RIOK3: variants seen among roughly 807,000 people sequenced by gnomAD.
The protein encoded by RIOK3 is RIO kinase 3.
RIOK3 carries 40 observed loss-of-function variants against 63.5 expected under a neutral mutation model. The observed-to-expected ratio is 0.63, with a 90% CI of 0.49 to 0.82. The LOEUF (loss-of-function observed/expected upper bound fraction) is 0.82. Among genes scored for constraint, RIOK3 ranks in the 40% least tolerant of loss-of-function variants. RIOK3 has a pLI of 0.00. For synonymous variants in RIOK3, 193 were observed against 205.0 expected (o/e 0.94, Z 0.50); for missense variants, 557 against 637.0 (o/e 0.87, Z 1.35).
intron 7 of RIOK3, among the ~76,000 whole-genome samples, chr18:23,471,673 G>A (rs1462224468): frequency 6.6e-6 from 1 of 152,144 alleles, no homozygotes; most frequent in Non-Finnish European, 1.5e-5. Flanking sequence ...GTAGGAGAGC[G>A]TTGGTGTGTG....
chr18:23,459,199 G>A (rs2057359026), intron 1 of RIOK3, among the ~76,000 whole-genome samples: 1 of 152,150 alleles, frequency 6.6e-6, no homozygotes, highest in Non-Finnish European at 1.5e-5. Flanking sequence ...TAATACCTTA[G>A]CAGAATTAAT....
At position 23,453,304 on chromosome 18, in the gene RIOK3, C is replaced by CCGCCGT; in HGVS notation, c.-130_-125dup. Reference sequence around the variant, plus strand: ...AGAGATCCAGTTCCGGACGCGGCCGCCGCCGTCGCCGCCATCTGTCACCTC... The same window carrying CCGCCGT: ...AGAGATCCAGTTCCGGACGCGGCCGCCGCCGTCGCCGTCGCCGCCATCTGTCACCTC... On this transcript the variant is annotated 5_prime_UTR_variant, in exon 1 of 13. Transcript: ENST00000339486. 1 of 734,932 alleles carries CCGCCGT rather than the reference C, an allele frequency of 1.4e-6. No homozygotes were observed. The highest frequency in any genetic ancestry group is 2.0e-5 in the Admixed American group (1 of 49,640). 45.5% of individuals were successfully genotyped at this position (734,932 alleles called of 1,614,324 possible).
intron 1 of RIOK3, among the ~76,000 whole-genome samples, chr18:23,455,106 C>T (rs1034411033): frequency 7.3e-5 from 11 of 149,864 alleles, no homozygotes; most frequent in Non-Finnish European, 1.6e-4. Context: ...GAGTCTCGCC[C>T]TATCGCCCAG....
In RIOK3 at chr18:23,467,314, C is replaced by T. The variant is rs974402975; in HGVS notation, c.688-85C>T. 78 of 1,083,376 alleles carry T rather than the reference C, an allele frequency of 7.2e-5. 1 individual carries two copies. The highest frequency in any genetic ancestry group is 5.3e-4 in the Admixed American group (22 of 41,378). 67.1% of individuals were successfully genotyped at this position (1,083,376 alleles called of 1,614,324 possible). On this transcript the variant is annotated intron_variant, in intron 6 of 12. Coordinates refer to ENST00000339486, the MANE Select transcript of RIOK3 (RefSeq NM_003831.5). ...GGGTGACAAGAGCAAGACTCCGTCT[C>T]AAAAAAAAAAAGTTATTAGAAGTGG... is the stretch of plus-strand genomic sequence containing the variant.
At chr18:23,465,555 A>G (rs376685253) in intron 5 of RIOK3, among the ~76,000 whole-genome samples, 2 of 152,236 alleles carry the variant, frequency 1.3e-5, no homozygotes, top group South Asian at 4.1e-4. Flanking sequence ...TTTCTGTGGT[A>G]ATGGAAATGT....
Position 23,453,330 on chromosome 18 carries a change from C to A in RIOK3, c.-110C>A. ...CGCCGTCGCCGCCATCTGTCACCTC[C>A]ACTCCGGCATCAGCAGCCAGTCGCC... is the stretch of plus-strand genomic sequence containing the variant. On this transcript the variant is annotated 5_prime_UTR_variant, in exon 1 of 13. Coordinates refer to ENST00000339486, the MANE Select transcript of RIOK3 (RefSeq NM_003831.5). The A allele has an allele frequency of 1.1e-6, 1 of 891,018 alleles. No homozygotes were observed. Among genetic ancestry groups the A allele is most frequent in the Non-Finnish European group, 1.9e-6 (1 of 537,302 alleles). 55.2% of individuals were successfully genotyped at this position (891,018 alleles called of 1,614,324 possible).
chr18:23,468,108 C>A (rs2057422579), intron 7 of RIOK3, among the ~76,000 whole-genome samples: 1 of 151,798 alleles, frequency 6.6e-6, no homozygotes. Flanking sequence ...TTAGTATTAT[C>A]AAATCTAATG....
In RIOK3 at chr18:23,462,208, C is replaced by T. The variant is rs190636046; in HGVS notation, c.64-756C>T. Among the ~76,000 whole-genome samples, 1,295 of 138,520 alleles carry T rather than the reference C, an allele frequency of 9.3e-3. 27 individuals carry two copies. The highest frequency in any genetic ancestry group is 0.034 in the African/African-American group (1,241 of 36,852). The allele number at this position is 138,520 out of a possible 152,430, so 90.9% of individuals were successfully genotyped here. On this transcript the variant is annotated intron_variant, in intron 1 of 12. Coordinates refer to ENST00000339486, the MANE Select transcript of RIOK3 (RefSeq NM_003831.5). ...AGGCTGGAGTGCAGTGGCGCGATCT[C>T]GACTCACTGCAACCCTAACCTCCCA...
chr18:23,458,248 A>G (rs1198584157), intron 1 of RIOK3, among the ~76,000 whole-genome samples: 2 of 151,942 alleles, frequency 1.3e-5, no homozygotes, highest in Non-Finnish European at 2.9e-5. Context: ...AATTGTCTGC[A>G]GGAAACCTTT....
Position 23,467,533 on chromosome 18 carries a change from G to T in RIOK3, c.815+7G>T. 1 of 1,611,122 alleles carries T rather than the reference G, an allele frequency of 6.2e-7. No individual in the cohort carries two copies. ...TTCATGCATATGGAGGGAGGTAAAT[G>T]AGCAAAATATGATACCATGATATGA... On this transcript the variant is annotated splice_region_variant and intron_variant, in intron 7 of 12. Coordinates refer to ENST00000339486, the MANE Select transcript of RIOK3 (RefSeq NM_003831.5).
Position 23,481,480 on chromosome 18 carries a change from C to T in RIOK3, c.*201C>T. The T allele has an allele frequency of 4.2e-6, 2 of 472,662 alleles. No individual in the cohort carries two copies. The highest frequency in any genetic ancestry group is 7.4e-6 in the Non-Finnish European group (2 of 269,560). 29.3% of individuals were successfully genotyped at this position (472,662 alleles called of 1,614,324 possible). A position where few individuals can be genotyped will look rare whatever the true frequency, so the allele number is the denominator to read the frequency against. On this transcript the variant is annotated 3_prime_UTR_variant, in exon 13 of 13. Transcript: ENST00000339486. ...AGAATAAAATGTCACTACCTCTCAT[C>T]TTATGAACAGGATAATATAATTCTT...
intron 7 of RIOK3, among the ~76,000 whole-genome samples, chr18:23,470,146 C>T (rs370976854): frequency 7.2e-5 from 11 of 152,118 alleles, no homozygotes; most frequent in South Asian, 4.1e-4. Context: ...GGGCGGATCA[C>T]GAGGTCAGGA....
rs936387929 is a variant in RIOK3 at position 23,482,397 on chromosome 18, C to T, written c.*1118C>T. On this transcript the variant is annotated 3_prime_UTR_variant, in exon 13 of 13. Transcript: ENST00000339486. ...TGGTGGCACTTCTCTGTAATCTCAG[C>T]TTCTCAGGAGGCTGAGACAGGAGAA... 6.6e-6 allele frequency: 1 copy of T among 152,186 alleles called. No homozygotes were observed. Among genetic ancestry groups the T allele is most frequent in the Admixed American group, 6.6e-5 (1 of 15,260 alleles). The allele number at this position is 152,186 out of a possible 1,614,324, so 9.4% of individuals were successfully genotyped here.
intron 1 of RIOK3, among the ~76,000 whole-genome samples, chr18:23,454,415 T>A (rs1030377133): frequency 6.6e-6 from 1 of 152,236 alleles, no homozygotes; most frequent in Non-Finnish European, 1.5e-5. Context: ...TTTGTAAAAG[T>A]TCTCGTACAG....
chr18:23,468,293 C>CTTTTTTTTTTTTTTTTTTTT (rs1245472469), intron 7 of RIOK3, among the ~76,000 whole-genome samples: 1 of 46,448 alleles, frequency 2.2e-5, no homozygotes, highest in African/African-American at 1.0e-4. Flanking sequence ...CAATATACTC[C>CTTTTTTTTTTTTTTTTTTTT]TTTTTTTTTT....
chr18:23,462,088 C>CA (rs757822182), intron 1 of RIOK3, among the ~76,000 whole-genome samples: 1,142 of 87,296 alleles, frequency 0.013, 11 homozygotes, highest in African/African-American at 0.024. Flanking sequence ...AAACTGTCTC[C>CA]AAAAAAAAAA....
At chr18:23,479,575 CT>C (rs1567901455) in intron 12 of RIOK3, 151 bp downstream of exon 12, 6 of 526,270 alleles carry the variant, frequency 1.1e-5, no homozygotes, top group South Asian at 4.9e-5. Context: ...TTGGTTTTTT[CT>C]TTTTTTCTTT....
At chr18:23,476,047 A>T (rs1225701527) in intron 9 of RIOK3, among the ~76,000 whole-genome samples, 1 of 149,294 alleles carries the variant, frequency 6.7e-6, no homozygotes. Flanking sequence ...TCAGCATCCC[A>T]AAGTGCTGGG....
At chr18:23,457,886 G>A (rs2057350661) in intron 1 of RIOK3, among the ~76,000 whole-genome samples, 1 of 151,180 alleles carries the variant, frequency 6.6e-6, no homozygotes, top group South Asian at 2.1e-4. Flanking sequence ...CCTCTTTCAT[G>A]TTTGCTGGTT....
Sources: gnomAD v4.1 joint callset for allele counts (sites outside exome capture counted in the v4.1 genomes callset) on GRCh38, gnomAD v4.1.1 for gene constraint, MANE v1.5 for transcripts, NCBI Gene and HGNC (gene_info 2026-07-23, HGNC 2026-07-21) for gene names.